The following UTRN variants were observed in gnomAD, a reference collection of about 807,000 sequenced individuals.
The protein encoded by UTRN is dystrophin-related protein 1.
In UTRN, 283 loss-of-function variants were observed where a neutral mutation model predicts 463.9. The ratio of observed to expected loss-of-function variants is 0.61; its 90% CI spans 0.55 to 0.67. The LOEUF is 0.67. UTRN is among the 30% of genes least tolerant of loss of function. UTRN has a pLI of 0.00. For synonymous variants in UTRN, 1,442 were observed against 1,431.5 expected (o/e 1.01, Z -0.17); for missense variants, 3,922 against 4,084.3 (o/e 0.96, Z 1.08).
chr6:144,414,553 T>A (rs1289416194), intron 3 of UTRN, among the ~76,000 whole-genome samples: 2 of 152,070 alleles, frequency 1.3e-5, no homozygotes, highest in African/African-American at 4.8e-5. Context: ...AAAAATATTT[T>A]AAAAATAAAT....
chr6:144,768,707 G>C (rs1793623269), intron 58 of UTRN, among the ~76,000 whole-genome samples: 1 of 152,116 alleles, frequency 6.6e-6, no homozygotes, highest in South Asian at 2.1e-4. Context: ...GCATTTATAT[G>C]GACAGAAATC....
intron 51 of UTRN, among the ~76,000 whole-genome samples, chr6:144,658,274 C>T (rs1779526350): frequency 6.6e-6 from 1 of 152,038 alleles, no homozygotes; most frequent in Non-Finnish European, 1.5e-5. Flanking sequence ...ATTTTAAAAG[C>T]TTGTTAAAAT....
chr6:144,737,255 A>G (rs936924705), intron 54 of UTRN, among the ~76,000 whole-genome samples: 1 of 152,198 alleles, frequency 6.6e-6, no homozygotes, highest in Non-Finnish European at 1.5e-5. Flanking sequence ...TGCTGTAGAC[A>G]CTGGTGCGAC....
chr6:144,754,685 A>G (rs372890639), intron 56 of UTRN, 35 bp from the exon 57 acceptor site: 11 of 1,599,472 alleles, frequency 6.9e-6, no homozygotes, highest in African/African-American at 4.0e-5. Context: ...TCGGAATCAA[A>G]TTATTTCCTC....
At chr6:144,666,654 G>A (rs1017421342) in intron 51 of UTRN, among the ~76,000 whole-genome samples, 25 of 152,206 alleles carry the variant, frequency 1.6e-4, no homozygotes, top group African/African-American at 4.3e-4. Context: ...ACAAAATAAT[G>A]TCTGTGGATT....
intron 55 of UTRN, among the ~76,000 whole-genome samples, chr6:144,750,113 TGA>T (rs904481624): frequency 2.6e-5 from 4 of 152,188 alleles, no homozygotes; most frequent in Non-Finnish European, 5.9e-5. Context: ...AAACTGAATC[TGA>T]GAGACCCAGA....
At chr6:144,654,065 T>C (rs1779090491) in intron 51 of UTRN, among the ~76,000 whole-genome samples, 1 of 152,104 alleles carries the variant, frequency 6.6e-6, no homozygotes, top group Admixed American at 6.5e-5. Context: ...AAATGTGTGA[T>C]TGTGGTGTGT....
intron 58 of UTRN, among the ~76,000 whole-genome samples, chr6:144,763,324 C>G (rs1006684171): frequency 6.6e-6 from 1 of 152,162 alleles, no homozygotes; most frequent in Non-Finnish European, 1.5e-5. Flanking sequence ...TGTTACATCT[C>G]TCTTTATACT....
chr6:144,789,421 T>G, intron 62 of UTRN, 142 bp downstream of exon 62: 1 of 667,040 alleles, frequency 1.5e-6, no homozygotes, highest in Non-Finnish European at 2.4e-6. Context: ...TATACCAAGT[T>G]AGACAGAGGG....
intron 2 of UTRN, among the ~76,000 whole-genome samples, chr6:144,376,156 T>G (rs1780438963): frequency 6.6e-6 from 1 of 152,046 alleles, no homozygotes. Flanking sequence ...CCAGTTGCTT[T>G]TTTTAAAAAA....
intron 41 of UTRN, among the ~76,000 whole-genome samples, chr6:144,524,701 C>T (rs971793917): frequency 1.6e-4 from 24 of 152,198 alleles, no homozygotes; most frequent in African/African-American, 5.8e-4. Context: ...TGTCTGATTG[C>T]TCTGTCTAGG....
At chr6:144,804,679 G>A (rs1423164797) in intron 65 of UTRN, among the ~76,000 whole-genome samples, 1 of 134,892 alleles carries the variant, frequency 7.4e-6, no homozygotes. Flanking sequence ...GTCAGAGTTA[G>A]GATTCTACCA....
At chr6:144,599,460 A>T (rs1436125640) in intron 51 of UTRN, among the ~76,000 whole-genome samples, 4 of 152,142 alleles carry the variant, frequency 2.6e-5, no homozygotes, top group African/African-American at 9.7e-5. Context: ...CTATGCTGAA[A>T]CTTGTTTTTT....
At chr6:144,388,998 G>C (rs1391964060) in intron 2 of UTRN, among the ~76,000 whole-genome samples, 2 of 152,162 alleles carry the variant, frequency 1.3e-5, no homozygotes, top group African/African-American at 4.8e-5. Context: ...AGTTTATTTT[G>C]CTAAGATTGA....
At chr6:144,648,173 T>G (rs1250583783) in intron 51 of UTRN, among the ~76,000 whole-genome samples, 11 of 152,236 alleles carry the variant, frequency 7.2e-5, no homozygotes, top group African/African-American at 2.2e-4. Flanking sequence ...TCTTCTCCTT[T>G]GCTGGCTCTT....
intron 52 of UTRN, among the ~76,000 whole-genome samples, chr6:144,681,057 G>A (rs182637403): frequency 2.0e-5 from 3 of 152,288 alleles, no homozygotes; most frequent in Non-Finnish European, 4.4e-5. Context: ...TGCCTCGGAT[G>A]AGCCTGTTCT....
intron 51 of UTRN, 73 bp from the exon 52 acceptor site, chr6:144,678,333 G>A: frequency 7.0e-7 from 1 of 1,419,656 alleles, no homozygotes; most frequent in East Asian, 2.3e-5. Flanking sequence ...TTGCTTGAGA[G>A]CAACTCATCT....
At chr6:144,531,312 G>C in intron 42 of UTRN, 110 bp downstream of exon 42, 2 of 1,133,148 alleles carry the variant, frequency 1.8e-6, no homozygotes, top group Non-Finnish European at 2.3e-6. Context: ...GAAGTCAATG[G>C]ACAATTTGTA....
Position 144,474,730 on chromosome 6 carries a change from C to G in UTRN, c.3307C>G (p.Gln1103Glu). 6.2e-7 allele frequency: 1 copy of G among 1,613,498 alleles called. No homozygotes were observed. Among genetic ancestry groups the G allele is most frequent in the Non-Finnish European group, 8.5e-7 (1 of 1,179,856 alleles). Reference protein sequence around the residue: ...TWVQTRLGDYQTQLEKLSKEI... With the variant: ...TWVQTRLGDYETQLEKLSKEI... ...GGTGCAGACAAGACTAGGTGACTACCAAACTCAACTGGAGAAACTTAGCAA... is the reference window on the plus strand; with the variant it reads ...GGTGCAGACAAGACTAGGTGACTACGAAACTCAACTGGAGAAACTTAGCAA... Residue 1103 changes from glutamine (Q) to glutamate (E), a missense_variant, in exon 25 of 75, where the codon CAA becomes GAA. Physicochemically the swap from Gln to Glu is conservative, Grantham distance 29. This residue lies in a region of UTRN where 2,349 missense variants were observed against 2,303.8 expected (regional missense o/e 1.02). Coordinates refer to ENST00000367545, the MANE Select transcript of UTRN (RefSeq NM_007124.3).
Sources: allele counts gnomAD v4.1 joint callset (sites outside exome capture counted in the v4.1 genomes callset), GRCh38; gene constraint gnomAD v4.1.1; regional missense constraint gnomAD v4.1.1; transcripts MANE v1.5; gene names NCBI Gene and HGNC (gene_info 2026-07-23, HGNC 2026-07-21).